TMEM87A: variants seen among roughly 807,000 people sequenced by gnomAD.
TMEM87A encodes the protein transmembrane protein 87A, also known as Golgi-pH regulating cation channel.
A neutral mutation model predicts 90.0 loss-of-function variants in TMEM87A; 50 were observed. That is an observed-to-expected ratio of 0.56 (90% CI 0.44 to 0.70). The LOEUF (loss-of-function observed/expected upper bound fraction) is 0.70, where lower values mean the gene tolerates loss of function less well. TMEM87A is among the 30% of genes least tolerant of loss of function. The probability of loss-of-function intolerance (pLI) is 0.00; values close to 1 mark genes in which losing one functional copy is unlikely to be tolerated. For synonymous variants in TMEM87A, 226 were observed against 226.7 expected (o/e 1.00, Z 0.03); for missense variants, 577 against 660.5 (o/e 0.87, Z 1.39).
At chr15:42,243,679 C>T (rs369573512) in intron 7 of TMEM87A, among the ~76,000 whole-genome samples, 7 of 151,914 alleles carry the variant, frequency 4.6e-5, no homozygotes, top group East Asian at 1.9e-4. Flanking sequence ...GCCACCACAC[C>T]GAGCTAATTT....
intron 1 of TMEM87A, 118 bp from the exon 2 acceptor site, chr15:42,272,241 C>T (rs2051549193): frequency 1.6e-6 from 1 of 644,042 alleles, no homozygotes; most frequent in Admixed American, 3.3e-5. Flanking sequence ...GGACGTACCC[C>T]TTAATCAGTT....
rs2051349835 is a variant in TMEM87A at position 42,264,084 on chromosome 15, G to T, written c.405+6C>A. On this transcript the variant is annotated splice_donor_region_variant and intron_variant, in intron 4 of 19. Coordinates refer to ENST00000389834, the MANE Select transcript of TMEM87A (RefSeq NM_015497.5). ...CTATTTATCTCCAATCACTTTCAAAGATTACCTGTGTTTTAAAGAGTTCAC... is the reference window on the plus strand; with the variant it reads ...CTATTTATCTCCAATCACTTTCAAATATTACCTGTGTTTTAAAGAGTTCAC... The T allele has an allele frequency of 6.2e-7, 1 of 1,605,702 alleles. No individual in the cohort carries two copies.
At chr15:42,218,069 C>T in intron 18 of TMEM87A, 2 of 615,280 alleles carry the variant, frequency 3.3e-6, no homozygotes, top group South Asian at 4.7e-5. Context: ...AAAATTATAG[C>T]CCTGGAAAGG....
chr15:42,238,104 T>TATATA (rs1349075345), intron 8 of TMEM87A, among the ~76,000 whole-genome samples: 1 of 152,050 alleles, frequency 6.6e-6, no homozygotes, highest in Non-Finnish European at 1.5e-5. Flanking sequence ...ACATATATGG[T>TATATA]ATATATAGAG....
chr15:42,266,103 C>CA (rs1290102135), intron 3 of TMEM87A, among the ~76,000 whole-genome samples: 2 of 152,132 alleles, frequency 1.3e-5, no homozygotes, highest in Non-Finnish European at 2.9e-5. Flanking sequence ...CCCTGTAGTA[C>CA]AGTTTGAAGT....
intron 8 of TMEM87A, among the ~76,000 whole-genome samples, chr15:42,238,370 C>A (rs1369079785): frequency 6.6e-6 from 1 of 151,932 alleles, no homozygotes. Flanking sequence ...GAGTTCAAGA[C>A]CAGCCTGGCC....
chr15:42,269,210 T>A (rs907173921), intron 2 of TMEM87A, among the ~76,000 whole-genome samples: 1 of 152,178 alleles, frequency 6.6e-6, no homozygotes, highest in Admixed American at 6.5e-5. Flanking sequence ...TATCTTTGAT[T>A]CTAGCTATGA....
intron 6 of TMEM87A, among the ~76,000 whole-genome samples, chr15:42,247,617 G>A (rs1208398917): frequency 9.9e-5 from 15 of 152,258 alleles, no homozygotes; most frequent in Middle Eastern, 3.4e-3. Flanking sequence ...TGTTATTTCT[G>A]AGGCCTCTGT....
rs2050601850 is a variant in TMEM87A at position 42,226,736 on chromosome 15, C to A, written c.1403+70G>T. 9.7e-6 allele frequency: 13 copies of A among 1,340,406 alleles called. No homozygotes were observed. The South Asian group carries it at 1.3e-4, about 13-fold the overall frequency. 83.0% of individuals were successfully genotyped at this position (1,340,406 alleles called of 1,614,324 possible). Reference sequence around the variant, plus strand: ...TATGACACAGCCCTGATACTGTCCCCCAATGCACCACCCCTAATTGATGAC... The same window carrying A: ...TATGACACAGCCCTGATACTGTCCCACAATGCACCACCCCTAATTGATGAC... On this transcript the variant is annotated intron_variant, in intron 15 of 19. Transcript: ENST00000389834.
intron 19 of TMEM87A, among the ~76,000 whole-genome samples, chr15:42,216,308 C>T (rs1397544877): frequency 6.6e-6 from 1 of 152,120 alleles, no homozygotes; most frequent in Non-Finnish European, 1.5e-5. Flanking sequence ...ATCTGCTGTA[C>T]AACATTGTGC....
At chr15:42,246,908 C>G (rs1248105624) in intron 6 of TMEM87A, among the ~76,000 whole-genome samples, 2 of 152,200 alleles carry the variant, frequency 1.3e-5, no homozygotes, top group Non-Finnish European at 2.9e-5. Flanking sequence ...ACACCCCCAC[C>G]AACAGTGTAA....
At chr15:42,226,380 A>G (rs2050594297) in intron 15 of TMEM87A, among the ~76,000 whole-genome samples, 1 of 150,800 alleles carries the variant, frequency 6.6e-6, no homozygotes, top group East Asian at 1.9e-4. Flanking sequence ...ACATAATGCT[A>G]TTGCACACAT....
In TMEM87A at chr15:42,231,947, T is replaced by C. The variant is rs1443229378; in HGVS notation, c.1063-687A>G. The C allele has an allele frequency of 3.3e-6, 4 of 1,196,042 alleles. No individual in the cohort carries two copies. The South Asian group carries it at 5.3e-5, about 16-fold the overall frequency. 74.1% of individuals were successfully genotyped at this position (1,196,042 alleles called of 1,614,324 possible). A position where few individuals can be genotyped will look rare whatever the true frequency, so the allele number is the denominator to read the frequency against. ...CAACAGCAGAAGAAAGAAAATGAAATTGACAGAGGGTTAAAGTTGCTAGAA... is the reference window on the plus strand; with the variant it reads ...CAACAGCAGAAGAAAGAAAATGAAACTGACAGAGGGTTAAAGTTGCTAGAA... On this transcript the variant is annotated intron_variant, in intron 11 of 19. Transcript: ENST00000389834.
intron 6 of TMEM87A, among the ~76,000 whole-genome samples, chr15:42,254,369 G>A: frequency 6.6e-6 from 1 of 152,224 alleles, no homozygotes. Context: ...TTACCCAAAT[G>A]AGTTGAAAAC....
intron 7 of TMEM87A, among the ~76,000 whole-genome samples, chr15:42,242,564 GAGAA>G (rs139868248): frequency 0.02 from 3,058 of 151,992 alleles, 108 homozygotes; most frequent in African/African-American, 0.07. Flanking sequence ...AGGAGAGGAA[GAGAA>G]AGAGAGAGAG....
At chr15:42,215,723 T>A (rs1274547484) in intron 19 of TMEM87A, among the ~76,000 whole-genome samples, 3 of 151,946 alleles carry the variant, frequency 2.0e-5, no homozygotes, top group Admixed American at 1.3e-4. Flanking sequence ...ATGGTCATTA[T>A]CAAAAAACAA....
intron 17 of TMEM87A, 36 bp from the exon 18 acceptor site, chr15:42,218,414 C>T (rs777272937): frequency 8.1e-6 from 13 of 1,601,122 alleles, no homozygotes; most frequent in African/African-American, 2.7e-5. Context: ...TACTAAAATG[C>T]ACCACATAAT....
rs1566945849 is a variant in TMEM87A at position 42,273,252 on chromosome 15, C to A, written c.144+3G>T. On this transcript the variant is annotated splice_donor_region_variant and intron_variant, in intron 1 of 19. Transcript: ENST00000389834. ...TTCAGACGTTAGTGAAGTGAATACTCACCGACGGTATCGGAATGTGCCATT... is the reference window on the plus strand; with the variant it reads ...TTCAGACGTTAGTGAAGTGAATACTAACCGACGGTATCGGAATGTGCCATT... The A allele has an allele frequency of 1.2e-6, 2 of 1,614,102 alleles. No individual in the cohort carries two copies. The highest frequency in any genetic ancestry group is 1.7e-6 in the Non-Finnish European group (2 of 1,180,026).
At chr15:42,242,316 T>A (rs1286300855) in intron 7 of TMEM87A, among the ~76,000 whole-genome samples, 3 of 151,954 alleles carry the variant, frequency 2.0e-5, no homozygotes, top group Non-Finnish European at 4.4e-5. Flanking sequence ...TTGAAGCTAG[T>A]AGGTTTCAAA....
Sources: allele counts gnomAD v4.1 joint callset (sites outside exome capture counted in the v4.1 genomes callset), GRCh38; gene constraint gnomAD v4.1.1; transcripts MANE v1.5; gene names NCBI Gene and HGNC (gene_info 2026-07-23, HGNC 2026-07-21).